The following DENND1A variants were observed in gnomAD, a reference collection of about 807,000 sequenced individuals.
DENND1A encodes the protein DENN domain containing 1A.
DENND1A carries 51 observed loss-of-function variants against 113.7 expected under a neutral mutation model. That is an observed-to-expected ratio of 0.45 (90% confidence interval 0.36 to 0.57). The LOEUF (loss-of-function observed/expected upper bound fraction) is 0.57, where lower values mean the gene tolerates loss of function less well. Among genes scored for constraint, DENND1A ranks in the 20% least tolerant of loss-of-function variants. DENND1A has a pLI of 0.00. For missense variants in DENND1A, 1,258 were observed against 1,395.9 expected, an observed-to-expected ratio of 0.90 and a Z score of 1.57; for synonymous variants, 565 against 570.8, an observed-to-expected ratio of 0.99 and a Z score of 0.14.
chr9:123,521,777 T>C (rs753596250), intron 13 of DENND1A, among the ~76,000 whole-genome samples: 1 of 152,198 alleles, frequency 6.6e-6, no homozygotes, highest in South Asian at 2.1e-4. Flanking sequence ...CCCAGCCATA[T>C]ACTCACTGGC....
chr9:123,557,459 C>T (rs1564714159), intron 13 of DENND1A, 111 bp downstream of exon 13: 1 of 1,499,858 alleles, frequency 6.7e-7, no homozygotes, highest in Non-Finnish European at 9.0e-7. Context: ...CACACAAGCT[C>T]TTCTAGATGA....
chr9:123,704,955 TG>T (rs1342659570), intron 5 of DENND1A, among the ~76,000 whole-genome samples: 1 of 152,022 alleles, frequency 6.6e-6, no homozygotes, highest in African/African-American at 2.4e-5. Flanking sequence ...AAAAGCCTAA[TG>T]TATTCTAATC....
At chr9:123,824,438 G>A (rs963818473) in intron 2 of DENND1A, among the ~76,000 whole-genome samples, 2 of 152,062 alleles carry the variant, frequency 1.3e-5, no homozygotes, top group South Asian at 4.1e-4. Flanking sequence ...TGCTGAATGC[G>A]ATGTGAAGAA....
At chr9:123,554,572 G>A (rs1043512520) in intron 13 of DENND1A, among the ~76,000 whole-genome samples, 3 of 152,188 alleles carry the variant, frequency 2.0e-5, no homozygotes, top group African/African-American at 7.2e-5. Context: ...TGATGACCAC[G>A]ACTTGAAGCT....
intron 2 of DENND1A, among the ~76,000 whole-genome samples, chr9:123,839,001 G>A (rs1221188410): frequency 6.6e-6 from 1 of 152,190 alleles, no homozygotes; most frequent in East Asian, 1.9e-4. Context: ...ATGCAGACAT[G>A]TTTCACTCTG....
intron 1 of DENND1A, among the ~76,000 whole-genome samples, chr9:123,902,578 T>G (rs1211556612): frequency 3.3e-5 from 5 of 152,168 alleles, no homozygotes; most frequent in Non-Finnish European, 5.9e-5. Context: ...AGAGCTCTCC[T>G]TACTCAAGAA....
chr9:123,524,728 A>G (rs1371853366), intron 13 of DENND1A, among the ~76,000 whole-genome samples: 1 of 152,142 alleles, frequency 6.6e-6, no homozygotes, highest in Admixed American at 6.5e-5. Context: ...CTGGGCAGTA[A>G]CAGTTGAGGC....
intron 13 of DENND1A, among the ~76,000 whole-genome samples, chr9:123,530,217 C>T (rs1249497147): frequency 6.6e-6 from 1 of 151,996 alleles, no homozygotes; most frequent in African/African-American, 2.4e-5. Context: ...GACATGAGCC[C>T]TAGGTATCAA....
At chr9:123,395,177 G>A (rs2043050962) in intron 21 of DENND1A, among the ~76,000 whole-genome samples, 2 of 152,184 alleles carry the variant, frequency 1.3e-5, no homozygotes, top group South Asian at 4.1e-4. Flanking sequence ...AATCAGTCAT[G>A]TCTTGAGGAT....
chr9:123,524,826 G>A (rs766999990), intron 13 of DENND1A, among the ~76,000 whole-genome samples: 6 of 152,188 alleles, frequency 3.9e-5, no homozygotes, highest in Non-Finnish European at 5.9e-5. Context: ...AGTGGTATGT[G>A]CTCTTGTTAC....
chr9:123,402,738 T>G, intron 21 of DENND1A: 2 of 415,988 alleles, frequency 4.8e-6, no homozygotes, highest in Non-Finnish European at 9.8e-6. Context: ...GACTCGGGGC[T>G]ATCTGCAGCC....
chr9:123,896,330 C>CA lies in DENND1A; in HGVS notation c.18-17310dup, dbSNP rs536760482. Among the ~76,000 whole-genome samples, 312 of 143,456 alleles carry CA rather than the reference C, an allele frequency of 2.2e-3. 1 individual carries two copies. The highest frequency in any genetic ancestry group is 4.0e-3 in the South Asian group (18 of 4,506). The allele number at this position is 143,456 out of a possible 152,430, so 94.1% of individuals were successfully genotyped here. A position where few individuals can be genotyped will look rare whatever the true frequency, so the allele number is the denominator to read the frequency against. ...CTCTGAAAACAAACAAACAAACAAA[C>CA]AAAAAAAAAAAACCCTCAACCCCAG... On this transcript the variant is annotated intron_variant, in intron 1 of 23. Transcript: ENST00000394215.
intron 1 of DENND1A, among the ~76,000 whole-genome samples, chr9:123,914,031 CAG>C (rs1269220024): frequency 1.3e-5 from 2 of 151,554 alleles, no homozygotes; most frequent in African/African-American, 2.4e-5. Context: ...CAGTTCCAAA[CAG>C]AAATGGCATC....
intron 11 of DENND1A, among the ~76,000 whole-genome samples, chr9:123,584,613 C>T (rs2059076483): frequency 6.6e-6 from 1 of 152,186 alleles, no homozygotes; most frequent in Non-Finnish European, 1.5e-5. Flanking sequence ...CTTTACTCAC[C>T]TTATTTCATT....
At chr9:123,734,890 G>A (rs1343449706) in intron 5 of DENND1A, among the ~76,000 whole-genome samples, 3 of 152,026 alleles carry the variant, frequency 2.0e-5, no homozygotes, top group East Asian at 1.9e-4. Context: ...TTGTCACTAG[G>A]TAAAACTTGT....
intron 5 of DENND1A, among the ~76,000 whole-genome samples, chr9:123,719,098 G>C (rs1023901358): frequency 7.9e-5 from 12 of 152,162 alleles, no homozygotes; most frequent in African/African-American, 2.7e-4. Flanking sequence ...ATGATTGTGA[G>C]GCCTCCCCAG....
intron 9 of DENND1A, among the ~76,000 whole-genome samples, chr9:123,631,481 A>C (rs1287497633): frequency 1.3e-5 from 2 of 152,216 alleles, no homozygotes; most frequent in Non-Finnish European, 2.9e-5. Flanking sequence ...AAAATAATTT[A>C]TCCTTAATTT....
intron 5 of DENND1A, among the ~76,000 whole-genome samples, chr9:123,744,770 C>CTTTTTT (rs57945475): frequency 1.9e-5 from 2 of 102,732 alleles, no homozygotes; most frequent in Non-Finnish European, 4.0e-5. Context: ...TATATTAGCT[C>CTTTTTT]TTTTTTTTTT....
At chr9:123,414,633 C>G in intron 19 of DENND1A, 1 of 1,544,552 alleles carries the variant, frequency 6.5e-7, no homozygotes, top group East Asian at 2.4e-5. Flanking sequence ...GAAAAAAACC[C>G]ACCCAAACCA....
Sources: allele counts gnomAD v4.1 joint callset (sites outside exome capture counted in the v4.1 genomes callset), GRCh38; gene constraint gnomAD v4.1.1; transcripts MANE v1.5; gene names NCBI Gene and HGNC (gene_info 2026-07-23, HGNC 2026-07-21).